Variants in FSTL5 observed in about 807,000 individuals in gnomAD.
The protein encoded by FSTL5 is follistatin like 5, also known as follistatin-related protein 5.
Under a neutral mutation model 89.1 loss-of-function variants are expected in FSTL5, and 62 were observed. That is an observed-to-expected ratio of 0.70 (90% confidence interval 0.57 to 0.86). The LOEUF (loss-of-function observed/expected upper bound fraction) is 0.86. Ranked by LOEUF, FSTL5 falls within the 40% of genes least tolerant of loss-of-function variation. FSTL5 has a pLI of 0.00. For missense variants in FSTL5, 1,057 were observed against 1,001.6 expected (o/e 1.06, Z -0.75); for synonymous variants, 383 against 346.2 (o/e 1.11, Z -1.18).
At chr4:161,728,005 T>C (rs924789120) in intron 6 of FSTL5, among the ~76,000 whole-genome samples, 1 of 151,828 alleles carries the variant, frequency 6.6e-6, no homozygotes, top group Admixed American at 6.6e-5. Flanking sequence ...AAACAAAACA[T>C]GGAAAAGTCC....
intron 3 of FSTL5, among the ~76,000 whole-genome samples, chr4:161,982,637 T>C (rs111888429): frequency 0.012 from 1,890 of 152,326 alleles, 39 homozygotes; most frequent in African/African-American, 0.038. Context: ...TAGTTTTGAA[T>C]ACATGAATAA....
At chr4:162,023,031 T>C (rs1407645174) in intron 3 of FSTL5, 1 of 152,128 alleles carries the variant, frequency 6.6e-6, no homozygotes, top group Non-Finnish European at 1.5e-5. Flanking sequence ...TTGACCACTA[T>C]GAAATCTGTG....
chr4:161,976,563 G>A (rs1422243833), intron 3 of FSTL5, among the ~76,000 whole-genome samples: 2 of 152,082 alleles, frequency 1.3e-5, no homozygotes, highest in African/African-American at 4.8e-5. Context: ...CTCACTGCAA[G>A]CTCCGCCTTC....
At chr4:161,764,880 T>C (rs944299553) in intron 5 of FSTL5, among the ~76,000 whole-genome samples, 1 of 152,170 alleles carries the variant, frequency 6.6e-6, no homozygotes, top group Non-Finnish European at 1.5e-5. Flanking sequence ...TATAGTTACC[T>C]TGTGTTTGTT....
intron 1 of FSTL5, among the ~76,000 whole-genome samples, chr4:162,118,183 C>T (rs946170602): frequency 1.4e-4 from 22 of 152,170 alleles, no homozygotes; most frequent in African/African-American, 4.3e-4. Flanking sequence ...TATTGAGACA[C>T]TTTAACTACA....
chr4:161,706,587 A>G (rs1347164590), intron 6 of FSTL5, among the ~76,000 whole-genome samples: 1 of 152,052 alleles, frequency 6.6e-6, no homozygotes, highest in Non-Finnish European at 1.5e-5. Context: ...CTGTTACAGG[A>G]TATTTGTTAA....
intron 1 of FSTL5, among the ~76,000 whole-genome samples, chr4:162,149,927 T>A (rs7435726): frequency 0.23 from 35,342 of 152,022 alleles, 4,309 homozygotes; most frequent in Non-Finnish European, 0.26. Flanking sequence ...TAGTGGTAAG[T>A]CTTGAATGAA....
At chr4:161,807,380 A>T (rs1292031801) in intron 4 of FSTL5, among the ~76,000 whole-genome samples, 2 of 152,162 alleles carry the variant, frequency 1.3e-5, no homozygotes, top group Non-Finnish European at 2.9e-5. Context: ...AGATCATTTT[A>T]AATAGTCATT....
At chr4:161,676,063 T>C (rs1249309305) in intron 6 of FSTL5, among the ~76,000 whole-genome samples, 1 of 152,148 alleles carries the variant, frequency 6.6e-6, no homozygotes, top group African/African-American at 2.4e-5. Flanking sequence ...AGCTACAGAA[T>C]GTTAGTTTCA....
At chr4:161,871,306 G>A (rs964253588) in intron 4 of FSTL5, among the ~76,000 whole-genome samples, 1 of 152,042 alleles carries the variant, frequency 6.6e-6, no homozygotes, top group African/African-American at 2.4e-5. Context: ...GTAAAAAACT[G>A]TTCCATAGAC....
chr4:161,942,982 G>A (rs1734632709), intron 3 of FSTL5, among the ~76,000 whole-genome samples: 1 of 152,016 alleles, frequency 6.6e-6, no homozygotes, highest in African/African-American at 2.4e-5. Context: ...CAAAGCTGCA[G>A]AACACATTAT....
chr4:161,844,132 G>A (rs1276589042), intron 4 of FSTL5, among the ~76,000 whole-genome samples: 1 of 152,002 alleles, frequency 6.6e-6, no homozygotes, highest in Non-Finnish European at 1.5e-5. Flanking sequence ...GTGGGCAAAG[G>A]ATATGAACAG....
At chr4:161,388,273 C>G (rs186294794) in intron 15 of FSTL5, 1 of 152,132 alleles carries the variant, frequency 6.6e-6, no homozygotes, top group Admixed American at 6.5e-5. Flanking sequence ...AAACCCAGCT[C>G]ATACCATACC....
chr4:162,049,512 C>G (rs13145919), intron 2 of FSTL5, among the ~76,000 whole-genome samples: 1 of 151,910 alleles, frequency 6.6e-6, no homozygotes, highest in Non-Finnish European at 1.5e-5. Context: ...TTCAAAGGTA[C>G]ACTTCTCAGT....
Position 161,879,019 on chromosome 4 carries a change from T to G in FSTL5, c.409+41385A>C, listed in dbSNP as rs559191226. ...TACATACTGTATTTCTCACTCAAAA[T>G]CTCCACTTAACTATTTAATACTCAC... On this transcript the variant is annotated intron_variant, in intron 4 of 15. Coordinates refer to ENST00000306100, the MANE Select transcript of FSTL5 (RefSeq NM_020116.5). Among the ~76,000 whole-genome samples the G allele has an allele frequency of 2.0e-5, 3 of 152,242 alleles. No individual in the cohort carries two copies. In the East Asian group the frequency reaches 5.8e-4, roughly 29 times the overall value.
chr4:161,424,582 T>C (rs954459958), intron 15 of FSTL5, among the ~76,000 whole-genome samples: 2 of 152,140 alleles, frequency 1.3e-5, no homozygotes, highest in Non-Finnish European at 2.9e-5. Flanking sequence ...TATCTCTTTT[T>C]ATATTTTTTT....
At chr4:161,592,184 A>C (rs957344434) in intron 7 of FSTL5, among the ~76,000 whole-genome samples, 4 of 152,172 alleles carry the variant, frequency 2.6e-5, no homozygotes, top group Non-Finnish European at 5.9e-5. Context: ...AACATTGTGA[A>C]ACATGTCAAC....
chr4:162,111,919 A>T (rs1005656956), intron 1 of FSTL5, among the ~76,000 whole-genome samples: 12 of 152,210 alleles, frequency 7.9e-5, no homozygotes, highest in African/African-American at 2.9e-4. Context: ...AACAGAAGTT[A>T]TGCAGGTGGA....
intron 2 of FSTL5, among the ~76,000 whole-genome samples, chr4:162,105,590 A>G (rs979112342): frequency 6.6e-6 from 1 of 152,138 alleles, no homozygotes; most frequent in East Asian, 1.9e-4. Flanking sequence ...AATTTATCAG[A>G]AAAAAATAAA....
Sources: gnomAD v4.1 joint callset for allele counts (sites outside exome capture counted in the v4.1 genomes callset) on GRCh38, gnomAD v4.1.1 for gene constraint, MANE v1.5 for transcripts, NCBI Gene and HGNC (gene_info 2026-07-23, HGNC 2026-07-21) for gene names.